HGF: variants seen among roughly 807,000 people sequenced by gnomAD.
The protein encoded by HGF is fibroblast-derived tumor cytotoxic factor.
In HGF, 39 loss-of-function variants were observed where a neutral mutation model predicts 111.6. That is an observed-to-expected ratio of 0.35 (90% CI 0.27 to 0.46). The LOEUF (loss-of-function observed/expected upper bound fraction) is 0.46, where lower values mean the gene tolerates loss of function less well. Ranked by LOEUF, HGF falls within the 20% of genes least tolerant of loss-of-function variation. HGF has a pLI of 1.00. For synonymous variants in HGF, 285 were observed against 294.8 expected (o/e 0.97, Z 0.34); for missense variants, 735 against 910.5 (o/e 0.81, Z 2.48).
chr7:81,743,485 C>T lies in HGF; in HGVS notation c.747-14G>A. On this transcript the variant is annotated splice_polypyrimidine_tract_variant and intron_variant, in intron 6 of 17. Coordinates refer to ENST00000222390, the MANE Select transcript of HGF (RefSeq NM_000601.6). ...TTGTCGGGATATCTGCAAACCACAC[C>T]AAGAAAAGTGTCACGTAAATCTGCC... 4 of 1,513,056 alleles carry T rather than the reference C, an allele frequency of 2.6e-6. No individual in the cohort carries two copies. Among genetic ancestry groups the T allele is most frequent in the Non-Finnish European group, 3.7e-6 (4 of 1,087,718 alleles). The allele number at this position is 1,513,056 out of a possible 1,614,324, so 93.7% of individuals were successfully genotyped here.
intron 4 of HGF, chr7:81,755,856 T>C (rs376499957): frequency 3.6e-6 from 2 of 560,442 alleles, no homozygotes; most frequent in East Asian, 3.0e-5. Context: ...TGAAATGTTG[T>C]AGAGATGATC....
At chr7:81,752,075 CA>C (rs755954952) in intron 5 of HGF, 44 bp downstream of exon 5, 1 of 1,612,264 alleles carries the variant, frequency 6.2e-7, no homozygotes, top group South Asian at 1.1e-5. Flanking sequence ...CAGTTCTACA[CA>C]TAGGGGGAAT....
intron 10 of HGF, among the ~76,000 whole-genome samples, 177 bp downstream of exon 10, chr7:81,720,568 A>C (rs1381176264): frequency 6.6e-6 from 1 of 152,374 alleles, no homozygotes; most frequent in East Asian, 1.9e-4. Context: ...CATATTTAAA[A>C]GTTTGCTACA....
At chr7:81,748,613 C>A (rs1485542688) in intron 5 of HGF, among the ~76,000 whole-genome samples, 1 of 152,134 alleles carries the variant, frequency 6.6e-6, no homozygotes, top group Admixed American at 6.5e-5. Context: ...CCCTTTGGCT[C>A]TGTCTATTGC....
At chr7:81,749,722 G>T (rs1583987017) in intron 5 of HGF, among the ~76,000 whole-genome samples, 1 of 151,700 alleles carries the variant, frequency 6.6e-6, no homozygotes, top group East Asian at 1.9e-4. Context: ...ACGAATATTT[G>T]TTTTCTTTTG....
At chr7:81,714,213 T>C (rs1204373683) in intron 11 of HGF, among the ~76,000 whole-genome samples, 1 of 152,202 alleles carries the variant, frequency 6.6e-6, no homozygotes, top group African/African-American at 2.4e-5. Flanking sequence ...ATTATATTGC[T>C]TTGTAATTAT....
At chr7:81,742,033 T>A (rs1189004217) in intron 7 of HGF, among the ~76,000 whole-genome samples, 2 of 151,052 alleles carry the variant, frequency 1.3e-5, no homozygotes, top group East Asian at 3.9e-4. Context: ...TATACCTAAC[T>A]GGTGTAGAAC....
At chr7:81,723,809 G>GATATACACACATATAGATAT (rs1188532920) in intron 9 of HGF, among the ~76,000 whole-genome samples, 1 of 150,494 alleles carries the variant, frequency 6.6e-6, no homozygotes, top group Non-Finnish European at 1.5e-5. Context: ...TATATAGATA[G>GATATACACACATATAGATAT]ATATACACAC....
intron 1 of HGF, among the ~76,000 whole-genome samples, chr7:81,767,167 G>C (rs920169856): frequency 6.6e-6 from 1 of 151,942 alleles, no homozygotes; most frequent in African/African-American, 2.4e-5. Context: ...TGCTGAAAAT[G>C]AACTCTCAAC....
chr7:81,715,369 TG>T (rs1186911157), intron 11 of HGF, among the ~76,000 whole-genome samples: 1 of 152,088 alleles, frequency 6.6e-6, no homozygotes, highest in African/African-American at 2.4e-5. Flanking sequence ...TAAATATTTT[TG>T]TATGGCATTC....
At chr7:81,763,477 T>G (rs546912275) in intron 1 of HGF, among the ~76,000 whole-genome samples, 2 of 152,278 alleles carry the variant, frequency 1.3e-5, no homozygotes, top group African/African-American at 2.4e-5. Flanking sequence ...TGTCTTGAGA[T>G]CAAGCCAAAT....
At chr7:81,756,108 G>T (rs1788757592) in intron 4 of HGF, 1 of 698,496 alleles carries the variant, frequency 1.4e-6, no homozygotes, top group Admixed American at 2.0e-5. Context: ...CCGGCCAAAT[G>T]TGTCATGCCC....
At chr7:81,715,907 C>T (rs1042733716) in intron 11 of HGF, among the ~76,000 whole-genome samples, 1 of 152,074 alleles carries the variant, frequency 6.6e-6, no homozygotes, top group Non-Finnish European at 1.5e-5. Flanking sequence ...AAGTTTTTAT[C>T]GAACTTATAA....
chr7:81,724,922 T>A (rs1206357325), intron 9 of HGF, among the ~76,000 whole-genome samples: 1 of 152,210 alleles, frequency 6.6e-6, no homozygotes, highest in African/African-American at 2.4e-5. Flanking sequence ...CCTGAGGCAG[T>A]TATCTTCAAT....
chr7:81,743,588 G>A (rs967940806), intron 6 of HGF, 117 bp from the exon 7 acceptor site: 6 of 772,294 alleles, frequency 7.8e-6, no homozygotes, highest in African/African-American at 5.1e-5. Context: ...GAAAGAGGAC[G>A]TTTTCTATGT....
intron 10 of HGF, among the ~76,000 whole-genome samples, chr7:81,718,466 G>T (rs2115855913): frequency 6.6e-6 from 1 of 152,304 alleles, no homozygotes; most frequent in African/African-American, 2.4e-5. Flanking sequence ...TATTTCAAGA[G>T]TCAGTGCTCA....
intron 17 of HGF, among the ~76,000 whole-genome samples, chr7:81,703,560 T>G (rs1212643360): frequency 6.7e-6 from 1 of 149,032 alleles, no homozygotes; most frequent in Non-Finnish European, 1.5e-5. Context: ...TATTTATTCA[T>G]ATAAATATAA....
rs1180402134 is a variant in HGF, at chr7:81,700,298, T to G, written c.*2283A>C. 6.6e-6 allele frequency: 1 copy of G among 151,658 alleles called. No individual in the cohort carries two copies. The highest frequency in any genetic ancestry group is 1.5e-5 in the Non-Finnish European group (1 of 67,692). 9.4% of individuals were successfully genotyped at this position (151,658 alleles called of 1,614,324 possible). On this transcript the variant is annotated 3_prime_UTR_variant, in exon 18 of 18. Transcript: ENST00000222390. ...ATGGACCTTGTTCATCTAAGTTTCA[T>G]TGTCAATTCCACCCATGTCCCTCTA... is the stretch of plus-strand genomic sequence containing the variant.
intron 4 of HGF, 53 bp from the exon 5 acceptor site, chr7:81,752,315 C>T: frequency 6.6e-7 from 1 of 1,526,436 alleles, no homozygotes; most frequent in Non-Finnish European, 9.1e-7. Flanking sequence ...CTTTTTTTTG[C>T]CTATTAATTT....
Sources: gnomAD v4.1 joint callset for allele counts (sites outside exome capture counted in the v4.1 genomes callset) on GRCh38, gnomAD v4.1.1 for gene constraint, MANE v1.5 for transcripts, NCBI Gene and HGNC (gene_info 2026-07-23, HGNC 2026-07-21) for gene names.